Variants in ADGRD2 observed in about 807,000 individuals in gnomAD.
The protein encoded by ADGRD2 is adhesion G protein-coupled receptor D2, also known as G protein-coupled receptor PGR24.
A neutral mutation model predicts 44.4 loss-of-function variants in ADGRD2; 71 were observed. The observed-to-expected ratio is 1.60, with a 90% CI of 1.32 to 1.95. The LOEUF (loss-of-function observed/expected upper bound fraction) is 1.95, where lower values mean the gene tolerates loss of function less well. Ranked by LOEUF, ADGRD2 falls within the 30% of genes most tolerant of loss-of-function variation. The pLI is 0.00. For synonymous variants in ADGRD2, 481 were observed against 224.8 expected (o/e 2.14, Z -10.19); for missense variants, 1,039 against 512.4 (o/e 2.03, Z -9.92).
intron 13 of ADGRD2, 85 bp downstream of exon 16, chr9:124,468,275 A>G (rs1831870400): frequency 2.8e-6 from 2 of 708,848 alleles, no homozygotes; most frequent in South Asian, 1.5e-5. Context: ...CCTGCCCCCA[A>G]CTATTTTCAC....
exon 12 of ADGRD2, chr9:124,467,808 C>T (rs775555887): frequency 2.8e-6 from 2 of 718,544 alleles, no homozygotes; most frequent in Non-Finnish European, 5.2e-6. Flanking sequence ...CACCTTCTTG[C>T]TCTTCCTGGT....
chr9:124,453,696 G>GGCCCCCCCCCC lies in ADGRD2; in HGVS notation c.923+25_923+26insCCCCCCGCCCC. 1 of 208,046 alleles carries GGCCCCCCCCCC rather than the reference G, an allele frequency of 4.8e-6. No homozygotes were observed. Among genetic ancestry groups the GGCCCCCCCCCC allele is most frequent in the Non-Finnish European group, 9.0e-6 (1 of 111,370 alleles). 12.9% of individuals were successfully genotyped at this position (208,046 alleles called of 1,614,324 possible). ...GTCCCGGTACGACCCGCCCCGCCCC[G>GGCCCCCCCCCC]GCCCCACCCCATGGCCCCGAATCCT... On this transcript the variant is annotated intron_variant, in intron 3 of 21. Coordinates refer to ENST00000334810, the Ensembl canonical transcript of ADGRD2.
chr9:124,468,328 C>A (rs1831872027), intron 13 of ADGRD2, 138 bp downstream of exon 16: 3 of 678,186 alleles, frequency 4.4e-6, no homozygotes, highest in Admixed American at 2.1e-5. Context: ...CGGGGAGGAG[C>A]AGGGCCCCGG....
Position 124,454,019 on chromosome 9 carries a change from A to T in ADGRD2, c.946A>T (p.Thr316Ser), listed in dbSNP as rs1465746134. 3 of 709,888 alleles carry T rather than the reference A, an allele frequency of 4.2e-6. No homozygotes were observed. The South Asian group carries it at 4.5e-5, about 11-fold the overall frequency. The allele number at this position is 709,888 out of a possible 1,614,324, so 44.0% of individuals were successfully genotyped here. Residue 316 changes from threonine (T) to serine (S), a missense_variant, in exon 4 of 22, where the codon ACG becomes TCG. Transcript: ENST00000334810. This position sits in a 1 kb window ranked among gnomAD's most constrained non-coding sequence, Gnocchi z 4.5. ...GCCAGTGCCCTCCGAGGAGTGCCCTACGTGGAACCCGGGACCTCGCAGTGA... is the reference window on the plus strand; with the variant it reads ...GCCAGTGCCCTCCGAGGAGTGCCCTTCGTGGAACCCGGGACCTCGCAGTGA...
chr9:124,475,238 C>G (rs1832022016), intron 17 of ADGRD2, among the ~76,000 whole-genome samples: 1 of 152,264 alleles, frequency 6.6e-6, no homozygotes, highest in South Asian at 2.1e-4. Flanking sequence ...GGCAAAGCCC[C>G]TTCTGGTCCC....
At chr9:124,453,547 C>T (rs1406139098) in exon 3 of ADGRD2, 3 of 697,748 alleles carry the variant, frequency 4.3e-6, no homozygotes, top group Non-Finnish European at 7.9e-6. Flanking sequence ...GGCGCTGAGC[C>T]CCGCTCAGCT....
intron 6 of ADGRD2, among the ~76,000 whole-genome samples, 190 bp from the exon 10 acceptor site, chr9:124,456,432 C>T (rs1033774095): frequency 6.6e-6 from 1 of 152,180 alleles, no homozygotes; most frequent in Non-Finnish European, 1.5e-5. Context: ...TCGAAGGAGG[C>T]TGGGGCAGGC....
At position 124,476,341 on chromosome 9, in the gene ADGRD2, GC is replaced by G; in HGVS notation, c.2846-14del. The G allele has an allele frequency of 1.5e-6, 1 of 687,236 alleles. No homozygotes were observed. The highest frequency in any genetic ancestry group is 2.7e-6 in the Non-Finnish European group (1 of 374,256). The allele number at this position is 687,236 out of a possible 1,614,324, so 42.6% of individuals were successfully genotyped here. A position where few individuals can be genotyped will look rare whatever the true frequency, so the allele number is the denominator to read the frequency against. ...TCCTGCCTTCGTCTCTCAAAAATTT[GC>G]CTTTTCCTCCCTAGGGACCTATGGC... On this transcript the variant is annotated splice_polypyrimidine_tract_variant and intron_variant, in intron 19 of 21. Transcript: ENST00000334810.
At chr9:124,470,736 C>T in intron 17 of ADGRD2, 122 bp downstream of exon 20, 1 of 590,294 alleles carries the variant, frequency 1.7e-6, no homozygotes, top group Non-Finnish European at 3.1e-6. Context: ...TCAACAGCAA[C>T]TGGGACATCC....
chr9:124,452,390 G>A lies in ADGRD2; in HGVS notation c.69-120G>A, dbSNP rs890456525. 9 of 684,936 alleles carry A rather than the reference G, an allele frequency of 1.3e-5. No individual in the cohort carries two copies. The Middle Eastern group carries it at 1.3e-3, about 101-fold the overall frequency. 42.4% of individuals were successfully genotyped at this position (684,936 alleles called of 1,614,324 possible). On this transcript the variant is annotated intron_variant, in intron 1 of 21. Transcript: ENST00000334810. Reference sequence around the variant, plus strand: ...AGGACTCAGCAGGCCATAGACATGGGCGGGTTCAGCCCCATCCAGCCCGAA... The same window carrying A: ...AGGACTCAGCAGGCCATAGACATGGACGGGTTCAGCCCCATCCAGCCCGAA...
At chr9:124,457,647 C>T in intron 8 of ADGRD2, 41 bp downstream of exon 11, 1 of 568,454 alleles carries the variant, frequency 1.8e-6, no homozygotes, top group East Asian at 2.8e-5. Flanking sequence ...CTGTTGGGTT[C>T]TGGGTCAAAC....
At chr9:124,451,596 T>G, upstream of ADGRD2, 1 of 276,054 alleles carries the variant, frequency 3.6e-6, no homozygotes, top group South Asian at 3.7e-5. Flanking sequence ...TTCCTGCGAC[T>G]TTTTTTTCCT....
At chr9:124,458,819 T>C (rs998769226) in intron 10 of ADGRD2, 98 bp downstream of exon 13, 5 of 643,598 alleles carry the variant, frequency 7.8e-6, no homozygotes, top group Non-Finnish European at 1.4e-5. Flanking sequence ...AACCAAGGCC[T>C]AATAATGCAC....
Position 124,453,337 on chromosome 9 carries a change from A to T in ADGRD2, c.586A>T (p.Thr196Ser), listed in dbSNP as rs2131224297. ...CGGCCGCTGGCACCATGTGTGCGCC[A>T]CGTGGGAGCAGCGGGGCGGGCGCTG... is the stretch of plus-strand genomic sequence containing the variant. Residue 196 changes from threonine to serine, a missense_variant, in exon 3 of 22, where the codon ACG (threonine) becomes TCG (serine). Thr to Ser is a moderately conservative substitution (Grantham distance 58, BLOSUM62 1). Coordinates refer to ENST00000334810, the Ensembl canonical transcript of ADGRD2. 10 of 510,166 alleles carry T rather than the reference A, an allele frequency of 2.0e-5. 1 individual carries two copies. The South Asian group carries it at 2.9e-4, about 15-fold the overall frequency. 31.6% of individuals were successfully genotyped at this position (510,166 alleles called of 1,614,324 possible).
chr9:124,454,497 G>C lies in ADGRD2; in HGVS notation c.1038G>C (p.Arg346=), dbSNP rs1831575039. Reference sequence around the variant, plus strand: ...ACTCCTTTGCAGAGCCCTATCGTCGGCTGCAGGATGCCCAGTCGTGGCCTG... The same window carrying C: ...ACTCCTTTGCAGAGCCCTATCGTCGCCTGCAGGATGCCCAGTCGTGGCCTG... The change falls in exon 5 of 22, where the codon CGG becomes CGC. Residue 346 remains arginine, a synonymous_variant. Coordinates refer to ENST00000334810, the Ensembl canonical transcript of ADGRD2. The surrounding 1 kb of genome is among the most constrained non-coding windows in gnomAD (Gnocchi z 4.5). 1 of 715,646 alleles carries C rather than the reference G, an allele frequency of 1.4e-6. No individual in the cohort carries two copies. Among genetic ancestry groups the C allele is most frequent in the African/African-American group, 1.7e-5 (1 of 57,222 alleles). 44.3% of individuals were successfully genotyped at this position (715,646 alleles called of 1,614,324 possible).
At position 124,454,341 on chromosome 9, in the gene ADGRD2, CGTGT is replaced by C. The variant is rs1316181193; in HGVS notation, c.1023-140_1023-137del. The C allele has an allele frequency of 5.0e-6, 3 of 601,186 alleles. No homozygotes were observed. The highest frequency in any genetic ancestry group is 6.0e-6 in the Non-Finnish European group (2 of 333,740). 37.2% of individuals were successfully genotyped at this position (601,186 alleles called of 1,614,324 possible). A position where few individuals can be genotyped will look rare whatever the true frequency, so the allele number is the denominator to read the frequency against. The stretch of plus-strand genomic sequence containing the variant: ...GCCTCAGTTTCCCCATCTAGAACAC[CGTGT>C]GTAAGACTCTGGACACACAGCCATC... On this transcript the variant is annotated intron_variant, in intron 4 of 21. Transcript: ENST00000334810. This position sits in a 1 kb window ranked among gnomAD's most constrained non-coding sequence, Gnocchi z 4.5.
At chr9:124,466,439 T>C in intron 11 of ADGRD2, 26 bp downstream of exon 14, 1 of 647,030 alleles carries the variant, frequency 1.5e-6, no homozygotes, top group Non-Finnish European at 2.9e-6. Context: ...GAGGGGGGTG[T>C]CAGGAGGGGG....
chr9:124,456,946 G>T (rs1207110685), intron 7 of ADGRD2, among the ~76,000 whole-genome samples: 1 of 152,146 alleles, frequency 6.6e-6, no homozygotes, highest in African/African-American at 2.4e-5. Flanking sequence ...CTCCCTCTAG[G>T]AAGCCTTCCT....
chr9:124,477,997 G>T (rs1402234789), intron 21 of ADGRD2, among the ~76,000 whole-genome samples: 3 of 147,738 alleles, frequency 2.0e-5, no homozygotes, highest in Non-Finnish European at 4.5e-5. Flanking sequence ...GGACGCCCCC[G>T]CTTCCAGCCC....
Sources: allele counts gnomAD v4.1 joint callset (sites outside exome capture counted in the v4.1 genomes callset), GRCh38; gene constraint gnomAD v4.1.1; non-coding constraint Gnocchi (gnomAD v3.1); transcripts MANE v1.5; gene names NCBI Gene and HGNC (gene_info 2026-07-23, HGNC 2026-07-21).